Variants in ATP11A observed in about 807,000 individuals in gnomAD.
The protein encoded by ATP11A is ATPase phospholipid transporting 11A.
ATP11A carries 81 observed loss-of-function variants against 154.4 expected under a neutral mutation model. The ratio of observed to expected loss-of-function variants is 0.52; its 90% CI spans 0.44 to 0.63. The LOEUF (loss-of-function observed/expected upper bound fraction) is 0.63. Ranked by LOEUF, ATP11A falls within the 30% of genes least tolerant of loss-of-function variation. The probability of loss-of-function intolerance (pLI) is 0.00; values close to 1 mark genes in which losing one functional copy is unlikely to be tolerated. For missense variants in ATP11A, 1,316 were observed against 1,474.3 expected, an observed-to-expected ratio of 0.89 and a Z score of 1.76; for synonymous variants, 623 against 585.9, an observed-to-expected ratio of 1.06 and a Z score of -0.91.
At chr13:112,840,101 C>T (rs1163608068) in intron 16 of ATP11A, among the ~76,000 whole-genome samples, 2 of 149,066 alleles carry the variant, frequency 1.3e-5, no homozygotes, top group South Asian at 2.1e-4. Context: ...TGCTCACTCC[C>T]GTGCCCTCCA....
chr13:112,844,029 G>A (rs899047590), intron 17 of ATP11A, among the ~76,000 whole-genome samples: 1 of 152,198 alleles, frequency 6.6e-6, no homozygotes, highest in Non-Finnish European at 1.5e-5. Context: ...AGCGTCCTGC[G>A]CTTCGACACA....
rs76705181 is a variant in ATP11A at position 112,756,600 on chromosome 13, C to T, written c.40-28535C>T. Among the ~76,000 whole-genome samples the T allele has an allele frequency of 1.8e-3, 281 of 152,370 alleles. 5 individuals carry two copies. The East Asian group carries it at 0.03, about 16-fold the overall frequency. ...GCACGAAAAACAGCAGACACGATTT[C>T]AGACCGCTGGTGGCGGCTGAGCTCA... is the stretch of plus-strand genomic sequence containing the variant. On this transcript the variant is annotated intron_variant, in intron 1 of 29. Coordinates refer to ENST00000375645, the MANE Select transcript of ATP11A (RefSeq NM_015205.3).
At chr13:112,748,722 G>A (rs2139797823) in intron 1 of ATP11A, among the ~76,000 whole-genome samples, 1 of 152,282 alleles carries the variant, frequency 6.6e-6, no homozygotes, top group East Asian at 1.9e-4. Flanking sequence ...TCCGAAATAA[G>A]CAATTGTGTT....
intron 1 of ATP11A, among the ~76,000 whole-genome samples, chr13:112,719,593 G>C (rs1888918167): frequency 6.6e-6 from 1 of 152,228 alleles, no homozygotes; most frequent in African/African-American, 2.4e-5. Flanking sequence ...TGGCAGAACA[G>C]TCAGTTTTGT....
rs1025609344 is a variant in ATP11A at position 112,859,685 on chromosome 13, G to A, written c.2727+233G>A. The stretch of plus-strand genomic sequence containing the variant: ...TTGTTCCATGTCTTCTGAAACTGCC[G>A]TGGCCCTGAGATGCGGGCCAGTGAT... On this transcript the variant is annotated intron_variant, in intron 23 of 29. Coordinates refer to ENST00000375645, the MANE Select transcript of ATP11A (RefSeq NM_015205.3). The surrounding 1 kb of genome is among the most constrained non-coding windows in gnomAD (Gnocchi z 4.3). Among the ~76,000 whole-genome samples, 2 of 152,224 alleles carry A rather than the reference G, an allele frequency of 1.3e-5. No individual in the cohort carries two copies. The highest frequency in any genetic ancestry group is 1.9e-4 in the East Asian group (1 of 5,194).
At chr13:112,751,545 A>G (rs1195530770) in intron 1 of ATP11A, among the ~76,000 whole-genome samples, 3 of 152,132 alleles carry the variant, frequency 2.0e-5, no homozygotes, top group Non-Finnish European at 2.9e-5. Flanking sequence ...CTGTAATCCC[A>G]GCTACTAGGG....
At chr13:112,880,494 C>G in intron 29 of ATP11A, 1 of 1,271,706 alleles carries the variant, frequency 7.9e-7, no homozygotes, top group Non-Finnish European at 1.0e-6. Flanking sequence ...CCCGAGCACT[C>G]CTGGTGGCCC....
At chr13:112,711,103 AGG>A (rs1887692380) in intron 1 of ATP11A, among the ~76,000 whole-genome samples, 1 of 152,148 alleles carries the variant, frequency 6.6e-6, no homozygotes. Flanking sequence ...GCAGGATCCC[AGG>A]GGACCCGTCC....
intron 1 of ATP11A, among the ~76,000 whole-genome samples, chr13:112,767,708 T>C (rs1390670080): frequency 1.3e-5 from 2 of 152,130 alleles, no homozygotes. Flanking sequence ...AGTTGCTACC[T>C]TTACTTTCCC....
chr13:112,713,445 T>C (rs933947215), intron 1 of ATP11A, among the ~76,000 whole-genome samples: 2 of 152,158 alleles, frequency 1.3e-5, no homozygotes, highest in African/African-American at 4.8e-5. Context: ...TGAATAATCA[T>C]GAAACGAAGT....
intron 13 of ATP11A, among the ~76,000 whole-genome samples, chr13:112,832,527 C>G (rs17121744): frequency 1.3e-5 from 2 of 152,226 alleles, no homozygotes; most frequent in Non-Finnish European, 2.9e-5. Flanking sequence ...GTGTTCGTGG[C>G]ACCGTGTGAC....
In ATP11A at chr13:112,850,336, G is replaced by A. The variant is rs79798800; in HGVS notation, c.1810-701G>A. On this transcript the variant is annotated intron_variant, in intron 17 of 29. Coordinates refer to ENST00000375645, the MANE Select transcript of ATP11A (RefSeq NM_015205.3). ...ATGATCAGGTGTGAACCTCTGTGAC[G>A]GTCGCGCTCAGCAGCCTTGACTGAT... 8.4e-3 allele frequency among the ~76,000 whole-genome samples: 1,282 copies of A among 152,280 alleles called. 19 individuals are homozygous for A. The highest frequency in any genetic ancestry group is 0.029 in the African/African-American group (1,224 of 41,544).
At chr13:112,862,334 T>A (rs2080134354) in intron 24 of ATP11A, 106 bp from the exon 25 acceptor site, 1 of 1,395,752 alleles carries the variant, frequency 7.2e-7, no homozygotes, top group Non-Finnish European at 9.8e-7. Context: ...GCCGTGCACA[T>A]CTTATCCCAT....
At chr13:112,705,345 T>G (rs1887017332) in intron 1 of ATP11A, among the ~76,000 whole-genome samples, 1 of 152,126 alleles carries the variant, frequency 6.6e-6, no homozygotes. Flanking sequence ...GGGATTCTCG[T>G]AGGGGAGGGT....
rs951612270 is a variant in ATP11A, at chr13:112,769,725, G to A, written c.40-15410G>A. ...GATTTCTAGCACTGATTTGCAGAGGGGTGGGCGAGCCTGCCCAGTGCCCTG... is the reference window on the plus strand; with the variant it reads ...GATTTCTAGCACTGATTTGCAGAGGAGTGGGCGAGCCTGCCCAGTGCCCTG... On this transcript the variant is annotated intron_variant, in intron 1 of 29. Coordinates refer to ENST00000375645, the MANE Select transcript of ATP11A (RefSeq NM_015205.3). 1.3e-5 allele frequency among the ~76,000 whole-genome samples: 2 copies of A among 152,196 alleles called. 1 individual carries two copies. The highest frequency in any genetic ancestry group is 4.1e-4 in the South Asian group (2 of 4,826).
In ATP11A at chr13:112,697,117, G is replaced by A. The variant is rs2139465560; in HGVS notation, c.39+6662G>A. The stretch of plus-strand genomic sequence containing the variant: ...TCCAGCCTGAGGGGCGGCCCACGCA[G>A]CAGCCTCTGGGAGCCCTGGGGCCTT... On this transcript the variant is annotated intron_variant, in intron 1 of 29. Coordinates refer to ENST00000375645, the MANE Select transcript of ATP11A (RefSeq NM_015205.3). This position sits in a 1 kb window ranked among gnomAD's most constrained non-coding sequence, Gnocchi z 4.0. Among the ~76,000 whole-genome samples, 3 of 152,272 alleles carry A rather than the reference G, an allele frequency of 2.0e-5. 1 individual carries two copies. The South Asian group carries it at 6.2e-4, about 32-fold the overall frequency.
intron 18 of ATP11A, among the ~76,000 whole-genome samples, chr13:112,853,991 G>T (rs143162488): frequency 7.2e-5 from 11 of 152,084 alleles, no homozygotes; most frequent in Non-Finnish European, 1.2e-4. Flanking sequence ...ACACAAAACC[G>T]CCAGGCTTGT....
intron 12 of ATP11A, 151 bp downstream of exon 12, chr13:112,827,042 AAC>A: frequency 1.3e-6 from 1 of 741,670 alleles, no homozygotes; most frequent in Non-Finnish European, 2.3e-6. Flanking sequence ...CTATTTATGA[AAC>A]AGTCAGCCGT....
intron 1 of ATP11A, among the ~76,000 whole-genome samples, chr13:112,763,669 A>T (rs1036159266): frequency 1.3e-5 from 2 of 152,144 alleles, no homozygotes; most frequent in Non-Finnish European, 2.9e-5. Flanking sequence ...ACATGGAGGA[A>T]CCTTGGCTTC....
Sources: allele counts gnomAD v4.1 joint callset (sites outside exome capture counted in the v4.1 genomes callset), GRCh38; gene constraint gnomAD v4.1.1; non-coding constraint Gnocchi (gnomAD v3.1); transcripts MANE v1.5; gene names NCBI Gene and HGNC (gene_info 2026-07-23, HGNC 2026-07-21).